SLC25A5: variants seen among roughly 807,000 people sequenced by gnomAD.
The protein encoded by SLC25A5 is ADP/ATP translocase 2.
Under a neutral mutation model 16.5 loss-of-function variants are expected in SLC25A5, and 4 were observed. The ratio of observed to expected loss-of-function variants is 0.24; its 90% confidence interval spans 0.12 to 0.56. The LOEUF is 0.56. Ranked by LOEUF, SLC25A5 falls within the 20% of genes least tolerant of loss-of-function variation. The pLI is 0.93. For synonymous variants in SLC25A5, 60 were observed against 95.2 expected, an observed-to-expected ratio of 0.63 and a Z score of 2.15; for missense variants, 88 against 248.0, an observed-to-expected ratio of 0.35 and a Z score of 4.33.
intron 1 of SLC25A5, chrX:119,469,402 G>C (rs190209300): frequency 6.3e-6 from 2 of 319,253 alleles, no homozygotes; most frequent in Non-Finnish European, 1.1e-5. Context: ...CTTTCTCCTA[G>C]GTCTGAAGGT....
In SLC25A5 at chrX:119,469,631, G is replaced by A. The variant is rs770065389; in HGVS notation, c.112-30G>A. 3.5e-5 allele frequency: 37 copies of A among 1,066,480 alleles called. No individual in the cohort carries two copies. The East Asian group carries it at 9.1e-4, about 26-fold the overall frequency. The allele number at this position is 1,066,480 out of a possible 1,213,427, so 87.9% of individuals were successfully genotyped here. A position where few individuals can be genotyped will look rare whatever the true frequency, so the allele number is the denominator to read the frequency against. On this transcript the variant is annotated intron_variant, in intron 1 of 3. Coordinates refer to ENST00000317881, the MANE Select transcript of SLC25A5 (RefSeq NM_001152.5). ...CTTTCCCTTCCCCATGGTTATAACT[G>A]TCCCTGTTGGCTTCCTTCCTGTCTG...
intron 1 of SLC25A5, 73 bp from the exon 2 acceptor site, chrX:119,469,588 G>A: frequency 1.8e-6 from 2 of 1,095,643 alleles, no homozygotes; most frequent in Non-Finnish European, 2.4e-6. Context: ...CATTGATCGA[G>A]ATGGCATAAG....
At position 119,470,839 on chromosome X, in the gene SLC25A5, A is replaced by T. The variant is rs148487788; in HGVS notation, c.740-62A>T. On this transcript the variant is annotated intron_variant, in intron 3 of 3. Coordinates refer to ENST00000317881, the MANE Select transcript of SLC25A5 (RefSeq NM_001152.5). ...GGTGGGGCTCTGCTTTATTTAGCCT[A>T]GTGAATCTTAGGATTTTTCATCGGC... is the stretch of plus-strand genomic sequence containing the variant. 270 of 1,128,948 alleles carry T rather than the reference A, an allele frequency of 2.4e-4. No individual in the cohort carries two copies. The East Asian group carries it at 7.5e-3, about 31-fold the overall frequency. 93.0% of individuals were successfully genotyped at this position (1,128,948 alleles called of 1,213,427 possible).
intron 1 of SLC25A5, chrX:119,469,452 G>A (rs951585526): frequency 6.4e-5 from 27 of 422,241 alleles, no homozygotes; most frequent in Admixed American, 5.6e-4. Context: ...CACTCAGAGG[G>A]GTGGAGGCTT....
At chrX:119,468,798 G>A in intron 1 of SLC25A5, 172 bp downstream of exon 1, 1 of 453,955 alleles carries the variant, frequency 2.2e-6, no homozygotes, top group Non-Finnish European at 3.8e-6. Flanking sequence ...GGTGGGAGGC[G>A]CCTTTAGTGA....
rs1407064592 is a variant in SLC25A5, at chrX:119,469,735, C to G, written c.186C>G (p.Pro62=). ...TTATAGACTGCGTGGTCCGTATTCC[C>G]AAGGAGCAGGGAGTTCTGTCCTTCT... ...KGIIDCVVRI[P]KEQGVLSFWR... The change falls in exon 2 of 4, where the codon CCC becomes CCG. Residue 62 remains proline, a synonymous_variant. Transcript: ENST00000317881. 1 of 1,211,768 alleles carries G rather than the reference C, an allele frequency of 8.3e-7. No homozygotes were observed. The highest frequency in any genetic ancestry group is 1.1e-6 in the Non-Finnish European group (1 of 895,357).
intron 2 of SLC25A5, 112 bp from the exon 3 acceptor site, chrX:119,470,261 C>T: frequency 9.0e-7 from 1 of 1,109,951 alleles, no homozygotes; most frequent in Non-Finnish European, 1.2e-6. Flanking sequence ...CTAAAGGAAG[C>T]CAAGATCATC....
At chrX:119,470,865 C>CT in intron 3 of SLC25A5, 36 bp from the exon 4 acceptor site, 1 of 1,183,918 alleles carries the variant, frequency 8.4e-7, no homozygotes, top group African/African-American at 1.8e-5. Context: ...TTTCATCGGC[C>CT]TTCAGTCACT....
rs770907853 is a variant in SLC25A5, at chrX:119,468,489, C to A, written c.-27C>A. On this transcript the variant is annotated 5_prime_UTR_variant, in exon 1 of 4. In the 5' UTR this introduces an upstream ATG that the reference lacks. Transcript: ENST00000317881. ...AGCCGGTTCCCGGCCCAGTCCCGTC[C>A]TGCAGCAGTCTGCCTCCTCTTTCAA... 8.6e-7 allele frequency: 1 copy of A among 1,166,035 alleles called. No individual in the cohort carries two copies. The highest frequency in any genetic ancestry group is 3.0e-5 in the East Asian group (1 of 33,434).
chrX:119,470,583 A>C, intron 3 of SLC25A5, 70 bp downstream of exon 3: 1 of 1,031,388 alleles, frequency 9.7e-7, no homozygotes, highest in East Asian at 3.2e-5. Context: ...CTGGTGATAC[A>C]TACCTTTAAA....
chrX:119,469,685 A>G lies in SLC25A5; in HGVS notation c.136A>G (p.Thr46Ala), dbSNP rs760534389. 4 of 1,201,742 alleles carry G rather than the reference A, an allele frequency of 3.3e-6. No individual in the cohort carries two copies. The African/African-American group carries it at 6.9e-5, about 21-fold the overall frequency. ...LQVQHASKQI[T>A]ADKQYKGIID... ...GGTGCAGCATGCCAGCAAGCAGATC[A>G]CTGCAGATAAGCAATACAAAGGCAT... Residue 46 changes from threonine to alanine, a missense_variant, in exon 2 of 4, where the codon ACT becomes GCT. Thr to Ala is a moderately conservative substitution (Grantham distance 58). Transcript: ENST00000317881.
At chrX:119,470,590 TA>T in intron 3 of SLC25A5, 77 bp downstream of exon 3, 13 of 1,110,930 alleles carry the variant, frequency 1.2e-5, no homozygotes, top group Non-Finnish European at 1.6e-5. Flanking sequence ...TACATACCTT[TA>T]AAATGGCTGT....
In SLC25A5 at chrX:119,469,906, G is replaced by T. The variant is rs375406763; in HGVS notation, c.357G>T (p.Ser119=). Residue 119 remains serine (S), a synonymous_variant, in exon 2 of 4, where the codon TCG becomes TCT. Coordinates refer to ENST00000317881, the MANE Select transcript of SLC25A5 (RefSeq NM_001152.5). Reference sequence around the variant, plus strand: ...TCTACTTTGCAGGGAATCTGGCATCGGGTGGTGCCGCAGGGGCCACATCCC... The same window carrying T: ...TCTACTTTGCAGGGAATCTGGCATCTGGTGGTGCCGCAGGGGCCACATCCC... ...FWLYFAGNLA[S]GGAAGATSLC... 7.0e-6 allele frequency: 8 copies of T among 1,144,388 alleles called. No homozygotes were observed. The highest frequency in any genetic ancestry group is 9.4e-6 in the Non-Finnish European group (8 of 852,914). 94.3% of individuals were successfully genotyped at this position (1,144,388 alleles called of 1,213,427 possible). A position where few individuals can be genotyped will look rare whatever the true frequency, so the allele number is the denominator to read the frequency against.
Position 119,468,492 on chromosome X carries a change from C to T in SLC25A5, c.-24C>T. 3.3e-5 allele frequency: 39 copies of T among 1,175,660 alleles called. No individual in the cohort carries two copies. The highest frequency in any genetic ancestry group is 4.0e-5 in the Non-Finnish European group (35 of 865,432). On this transcript the variant is annotated 5_prime_UTR_variant, in exon 1 of 4. Transcript: ENST00000317881. ...CGGTTCCCGGCCCAGTCCCGTCCTG[C>T]AGCAGTCTGCCTCCTCTTTCAACAT...
intron 3 of SLC25A5, 52 bp downstream of exon 3, chrX:119,470,565 G>A (rs1569384336): frequency 4.4e-6 from 5 of 1,137,529 alleles, no homozygotes; most frequent in Admixed American, 4.8e-5. Context: ...GCAATCTGCT[G>A]CCACAAACTG....
chrX:119,471,262 T>C lies in SLC25A5; in HGVS notation c.*204T>C. On this transcript the variant is annotated 3_prime_UTR_variant, in exon 4 of 4. Coordinates refer to ENST00000317881, the MANE Select transcript of SLC25A5 (RefSeq NM_001152.5). ...GATGATGGGACTCAATTGTATTTTT[T>C]ATTTCAGTCACTCCTGATAAATAAC... 9.8e-6 allele frequency: 3 copies of C among 306,021 alleles called. No individual in the cohort carries two copies. Among genetic ancestry groups the C allele is most frequent in the Non-Finnish European group, 1.1e-5 (2 of 175,960 alleles). The allele number at this position is 306,021 out of a possible 1,213,427, so 25.2% of individuals were successfully genotyped here. A position where few individuals can be genotyped will look rare whatever the true frequency, so the allele number is the denominator to read the frequency against.
At chrX:119,468,885 T>G (rs1391057162) in intron 1 of SLC25A5, 2 of 377,910 alleles carry the variant, frequency 5.3e-6, no homozygotes, top group Admixed American at 8.8e-5. Context: ...GGCGGCGGAC[T>G]CGGATGGAGC....
At position 119,468,478 on chromosome X, in the gene SLC25A5, C is replaced by T. The variant is rs761933349; in HGVS notation, c.-38C>T. The T allele has an allele frequency of 3.4e-5, 39 of 1,139,006 alleles. No individual in the cohort carries two copies. Among genetic ancestry groups the T allele is most frequent in the African/African-American group, 8.8e-5 (5 of 56,835 alleles). The allele number at this position is 1,139,006 out of a possible 1,213,427, so 93.9% of individuals were successfully genotyped here. A position where few individuals can be genotyped will look rare whatever the true frequency, so the allele number is the denominator to read the frequency against. On this transcript the variant is annotated 5_prime_UTR_variant, in exon 1 of 4. Transcript: ENST00000317881. ...GCCGGAGTCAAAGCCGGTTCCCGGC[C>T]CAGTCCCGTCCTGCAGCAGTCTGCC...
At position 119,468,483 on chromosome X, in the gene SLC25A5, C is replaced by G. The variant is rs748470956; in HGVS notation, c.-33C>G. ...AGTCAAAGCCGGTTCCCGGCCCAGTCCCGTCCTGCAGCAGTCTGCCTCCTC... is the reference window on the plus strand; with the variant it reads ...AGTCAAAGCCGGTTCCCGGCCCAGTGCCGTCCTGCAGCAGTCTGCCTCCTC... On this transcript the variant is annotated 5_prime_UTR_variant, in exon 1 of 4. Transcript: ENST00000317881. 2 of 1,154,000 alleles carry G rather than the reference C, an allele frequency of 1.7e-6. No homozygotes were observed. Among genetic ancestry groups the G allele is most frequent in the East Asian group, 3.0e-5 (1 of 33,301 alleles).
Sources: gnomAD v4.1 joint callset for allele counts on GRCh38, gnomAD v4.1.1 for gene constraint, MANE v1.5 for transcripts, NCBI Gene and HGNC (gene_info 2026-07-23, HGNC 2026-07-21) for gene names.